The following NAA60 variants were observed in gnomAD, a reference collection of about 807,000 sequenced individuals.
The protein encoded by NAA60 is N-alpha-acetyltransferase 60, NatF catalytic subunit.
In NAA60, 8 loss-of-function variants were observed where a neutral mutation model predicts 26.1. The ratio of observed to expected loss-of-function variants is 0.31; its 90% CI spans 0.18 to 0.55. NAA60 has a LOEUF of 0.55. Ranked by LOEUF, NAA60 falls within the 20% of genes least tolerant of loss-of-function variation. The probability of loss-of-function intolerance (pLI) is 0.93; values close to 1 mark genes in which losing one functional copy is unlikely to be tolerated. For missense variants in NAA60, 290 were observed against 311.3 expected (o/e 0.93, Z 0.51); for synonymous variants, 131 against 122.5 (o/e 1.07, Z -0.46).
At chr16:3,478,374 G>A (rs2036615141) in intron 3 of NAA60, among the ~76,000 whole-genome samples, 1 of 152,234 alleles carries the variant, frequency 6.6e-6, no homozygotes, top group Admixed American at 6.5e-5. Context: ...ACGCTGGACC[G>A]TGGGCCTTGG....
At chr16:3,448,705 G>C (rs2034651762) in intron 2 of NAA60, 165 bp downstream of exon 2, 6 of 593,148 alleles carry the variant, frequency 1.0e-5, no homozygotes, top group Non-Finnish European at 1.8e-5. Flanking sequence ...TCACTTTTTT[G>C]CTAGGAGGGT....
chr16:3,462,774 G>A (rs190834221), intron 2 of NAA60: 2 of 152,250 alleles, frequency 1.3e-5, no homozygotes, highest in East Asian at 3.9e-4. Context: ...GGCGCATACA[G>A]GATTCGGAAT....
Position 3,445,274 on chromosome 16 carries a change from C to CTTTTTTTTTTTTTTTT in NAA60, c.-77+1438_-77+1439insTTTTTTTTTTTTTTTT, listed in dbSNP as rs1452284919. Among the ~76,000 whole-genome samples, 3 of 125,532 alleles carry CTTTTTTTTTTTTTTTT rather than the reference C, an allele frequency of 2.4e-5. 1 individual carries two copies. 82.4% of individuals were successfully genotyped at this position (125,532 alleles called of 152,430 possible). ...CTTTCCCTTCTTGGTTTGTGCTTAT[C>CTTTTTTTTTTTTTTTT]TCTTTTTTTTTTTTTTTTTTGAGAC... On this transcript the variant is annotated intron_variant, in intron 1 of 7. Coordinates refer to ENST00000407558, the MANE Select transcript of NAA60 (RefSeq NM_001083601.3).
chr16:3,461,007 A>G (rs250637), intron 2 of NAA60, among the ~76,000 whole-genome samples: 19,943 of 151,736 alleles, frequency 0.13, 1,664 homozygotes, highest in Non-Finnish European at 0.19. Flanking sequence ...GCCTCAAGCC[A>G]TCCTCCAACC....
chr16:3,473,437 G>C (rs778558509), intron 2 of NAA60, among the ~76,000 whole-genome samples: 1 of 152,174 alleles, frequency 6.6e-6, no homozygotes, highest in East Asian at 1.9e-4. Context: ...ATCAGGTCTC[G>C]TGGGACTTAT....
intron 2 of NAA60, among the ~76,000 whole-genome samples, chr16:3,463,724 A>G (rs1033680941): frequency 4.0e-5 from 6 of 150,960 alleles, no homozygotes; most frequent in African/African-American, 1.2e-4. Context: ...AAAAAATTCA[A>G]CCTAGACTTG....
intron 2 of NAA60, chr16:3,458,037 G>T: frequency 1.0e-6 from 1 of 985,270 alleles, no homozygotes; most frequent in Non-Finnish European, 1.2e-6. Flanking sequence ...GAAGTGCCGC[G>T]GGCTGCCGCC....
At chr16:3,458,041 T>C (rs926538490) in intron 2 of NAA60, 49 of 985,114 alleles carry the variant, frequency 5.0e-5, no homozygotes, top group Admixed American at 1.2e-4. Context: ...TGCCGCGGGC[T>C]GCCGCCTCCG....
chr16:3,483,953 T>G (rs1330971228), intron 6 of NAA60, among the ~76,000 whole-genome samples: 15 of 152,178 alleles, frequency 9.9e-5, no homozygotes, highest in Non-Finnish European at 1.8e-4. Flanking sequence ...CAGGATCCCC[T>G]GTCCTCCCAG....
chr16:3,450,588 T>C (rs768607773), intron 2 of NAA60, among the ~76,000 whole-genome samples: 1 of 151,186 alleles, frequency 6.6e-6, no homozygotes, highest in Non-Finnish European at 1.5e-5. Flanking sequence ...TGGTCCCAGC[T>C]ACTCGGGAGG....
chr16:3,471,580 A>T (rs1431475604), intron 2 of NAA60, among the ~76,000 whole-genome samples: 2 of 152,110 alleles, frequency 1.3e-5, no homozygotes, highest in Non-Finnish European at 1.5e-5. Flanking sequence ...GCATCCACGG[A>T]GGTCAAGGCC....
intron 6 of NAA60, 93 bp from the exon 7 acceptor site, chr16:3,484,606 C>G (rs897553367): frequency 6.7e-7 from 1 of 1,487,914 alleles, no homozygotes; most frequent in Admixed American, 2.0e-5. Context: ...GCCATCTGCA[C>G]ACAGTCCCAC....
chr16:3,458,102 G>A, intron 2 of NAA60: 1 of 985,292 alleles, frequency 1.0e-6, no homozygotes, highest in Non-Finnish European at 1.2e-6. Flanking sequence ...GCTCCGCGCG[G>A]TCCCACTTCC....
intron 4 of NAA60, among the ~76,000 whole-genome samples, chr16:3,481,660 G>A (rs1196460505): frequency 1.3e-5 from 2 of 152,218 alleles, no homozygotes; most frequent in African/African-American, 4.8e-5. Flanking sequence ...CTCAGGCTTA[G>A]TGAGTTCAAG....
chr16:3,479,857 G>A (rs1369872231), intron 4 of NAA60, among the ~76,000 whole-genome samples: 2 of 152,216 alleles, frequency 1.3e-5, no homozygotes, highest in Non-Finnish European at 2.9e-5. Flanking sequence ...GCAGGCATGA[G>A]CGCAGATGAT....
At chr16:3,465,135 C>T (rs771162757) in intron 2 of NAA60, among the ~76,000 whole-genome samples, 21 of 151,906 alleles carry the variant, frequency 1.4e-4, no homozygotes, top group Non-Finnish European at 2.6e-4. Context: ...AATGTGGTGG[C>T]GGGCGCCTGT....
chr16:3,453,630 A>T (rs1471058091), intron 2 of NAA60, among the ~76,000 whole-genome samples: 3 of 151,738 alleles, frequency 2.0e-5, no homozygotes, highest in Admixed American at 6.6e-5. Context: ...CTGGTCTCGA[A>T]CTCCCAACCT....
intron 2 of NAA60, among the ~76,000 whole-genome samples, chr16:3,463,584 C>T (rs944708386): frequency 4.8e-5 from 7 of 146,236 alleles, no homozygotes; most frequent in African/African-American, 1.5e-4. Flanking sequence ...TGCAAGCTGG[C>T]GCGGATGCAG....
intron 1 of NAA60, 94 bp downstream of exon 1, chr16:3,443,931 T>G: frequency 6.9e-7 from 1 of 1,443,984 alleles, no homozygotes; most frequent in Non-Finnish European, 9.1e-7. Flanking sequence ...TAGCCTGGGC[T>G]TGAGCTGTCC....
Sources: allele counts gnomAD v4.1 joint callset (sites outside exome capture counted in the v4.1 genomes callset), GRCh38; gene constraint gnomAD v4.1.1; transcripts MANE v1.5; gene names NCBI Gene and HGNC (gene_info 2026-07-23, HGNC 2026-07-21).